SGCD: variants seen among roughly 807,000 people sequenced by gnomAD.
The protein encoded by SGCD is sarcoglycan delta.
Under a neutral mutation model 36.6 loss-of-function variants are expected in SGCD, and 18 were observed. The observed-to-expected ratio is 0.49, with a 90% confidence interval of 0.34 to 0.73. The LOEUF (loss-of-function observed/expected upper bound fraction) is 0.73. SGCD is among the 30% of genes least tolerant of loss of function. The pLI is 0.01. For synonymous variants in SGCD, 133 were observed against 130.6 expected (o/e 1.02, Z -0.12); for missense variants, 387 against 346.7 (o/e 1.12, Z -0.92).
chr5:156,332,375 TTGG>T (rs1223837052), intron 2 of SGCD, among the ~76,000 whole-genome samples: 3 of 152,250 alleles, frequency 2.0e-5, no homozygotes, highest in Non-Finnish European at 4.4e-5. Flanking sequence ...ATGTAATTTC[TTGG>T]GCACAGTGGC....
intron 3 of SGCD, among the ~76,000 whole-genome samples, chr5:156,260,127 G>A (rs1398602407): frequency 6.6e-6 from 1 of 152,062 alleles, no homozygotes; most frequent in Non-Finnish European, 1.5e-5. Context: ...TATTTTATAT[G>A]AATATCATGT....
the SGCD span, among the ~76,000 whole-genome samples, chr5:155,809,303 T>C: frequency 4.6e-5 from 7 of 152,242 alleles, no homozygotes; most frequent in African/African-American, 1.7e-4. Flanking sequence ...GAAGCATTTT[T>C]ATCCATCTCA....
intron 3 of SGCD, among the ~76,000 whole-genome samples, chr5:156,170,458 A>T (rs1415215513): frequency 6.6e-6 from 1 of 152,212 alleles, no homozygotes; most frequent in East Asian, 1.9e-4. Context: ...TTACCTTAAC[A>T]TGAATGTTAC....
chr5:156,344,611 C>T lies in SGCD; in HGVS notation c.126C>T (p.Leu42=), dbSNP rs1374327236. ...GCCTGTATTTCTTTGTCCTGCTCCTCATGATTTTAATACTGGTGAACTTGG... is the reference window on the plus strand; with the variant it reads ...GCCTGTATTTCTTTGTCCTGCTCCTTATGATTTTAATACTGGTGAACTTGG... ...KRCLYFFVLL[L]MILILVNLAM... The change falls in exon 3 of 9, where the codon CTC becomes CTT. Residue 42 remains leucine, a synonymous_variant. Transcript: ENST00000337851. 1 of 1,612,082 alleles carries T rather than the reference C, an allele frequency of 6.2e-7. No homozygotes were observed. Among genetic ancestry groups the T allele is most frequent in the Admixed American group, 1.7e-5 (1 of 59,836 alleles).
Position 156,127,530 on chromosome 5 carries a change from T to C in SGCD, c.-44+3511T>C, listed in dbSNP as rs529627883. ...TACTCAGGAGGCTAAGGTGAAGAGA[T>C]TGCTTGCGTCCAAGAATTTGAGGTT... On this transcript the variant is annotated intron_variant, in intron 3 of 9. Transcript: ENST00000517913. 2.6e-4 allele frequency among the ~76,000 whole-genome samples: 40 copies of C among 152,142 alleles called. No homozygotes were observed. The East Asian group carries it at 7.5e-3, about 29-fold the overall frequency.
At chr5:156,296,325 G>T (rs1258538549) in intron 3 of SGCD, among the ~76,000 whole-genome samples, 1 of 152,138 alleles carries the variant, frequency 6.6e-6, no homozygotes, top group Non-Finnish European at 1.5e-5. Flanking sequence ...TGTCAAAGGT[G>T]ACCAATTCTT....
At chr5:156,443,950 A>G (rs1753616112) in intron 3 of SGCD, among the ~76,000 whole-genome samples, 1 of 152,122 alleles carries the variant, frequency 6.6e-6, no homozygotes, top group Non-Finnish European at 1.5e-5. Context: ...TGCTACCTTT[A>G]TAAATCAGAA....
chr5:156,406,414 C>G (rs1373186715), intron 3 of SGCD, among the ~76,000 whole-genome samples: 1 of 152,060 alleles, frequency 6.6e-6, no homozygotes, highest in East Asian at 1.9e-4. Flanking sequence ...TACTTCTGCT[C>G]TCCTGTGCCC....
chr5:155,912,529 T>C (rs943705079), intron 1 of SGCD, among the ~76,000 whole-genome samples: 3 of 152,190 alleles, frequency 2.0e-5, no homozygotes, highest in African/African-American at 7.2e-5. Context: ...CACAGTCTGC[T>C]CCGTGTGCGG....
intron 3 of SGCD, among the ~76,000 whole-genome samples, chr5:156,173,891 A>G (rs72809695): frequency 0.25 from 37,794 of 151,932 alleles, 5,097 homozygotes; most frequent in East Asian, 0.57. Flanking sequence ...TAAGTTTTTT[A>G]TATTGCACCT....
intron 1 of SGCD, among the ~76,000 whole-genome samples, chr5:155,942,074 A>G (rs1034070681): frequency 6.6e-6 from 1 of 152,170 alleles, no homozygotes; most frequent in Admixed American, 6.5e-5. Context: ...CTATTGGAGC[A>G]GCCTTCCCAC....
At chr5:156,370,821 A>T (rs1247326537) in intron 3 of SGCD, among the ~76,000 whole-genome samples, 2 of 152,156 alleles carry the variant, frequency 1.3e-5, no homozygotes, top group Non-Finnish European at 2.9e-5. Context: ...CAAACAGAAC[A>T]TCGGTGAGTA....
chr5:156,499,316 C>G (rs1756348164), intron 3 of SGCD, among the ~76,000 whole-genome samples: 1 of 152,112 alleles, frequency 6.6e-6, no homozygotes, highest in African/African-American at 2.4e-5. Context: ...TCTGAACAAT[C>G]TCTAGCCGAT....
At chr5:155,927,838 G>T (rs191429044) in intron 1 of SGCD, among the ~76,000 whole-genome samples, 136 of 152,258 alleles carry the variant, frequency 8.9e-4, no homozygotes, top group Non-Finnish European at 1.4e-3. Flanking sequence ...GTTGTGAGTG[G>T]CATACCAACT....
chr5:155,998,121 G>C (rs1481680762), intron 1 of SGCD, among the ~76,000 whole-genome samples: 2 of 152,148 alleles, frequency 1.3e-5, no homozygotes, highest in African/African-American at 2.4e-5. Flanking sequence ...GCAGATGCTG[G>C]ATGCTTTTAA....
chr5:156,451,581 G>A (rs1007599912), intron 3 of SGCD, among the ~76,000 whole-genome samples: 1 of 152,184 alleles, frequency 6.6e-6, no homozygotes, highest in South Asian at 2.1e-4. Context: ...TATGGGCACA[G>A]AGAAATCTGC....
intron 3 of SGCD, among the ~76,000 whole-genome samples, chr5:156,195,462 A>G (rs1010958950): frequency 1.3e-5 from 2 of 152,190 alleles, no homozygotes; most frequent in Non-Finnish European, 2.9e-5. Flanking sequence ...ACTTTTTTGT[A>G]TAATGTTAGA....
At chr5:156,533,375 T>A (rs1474865366) in intron 4 of SGCD, among the ~76,000 whole-genome samples, 1 of 152,162 alleles carries the variant, frequency 6.6e-6, no homozygotes, top group Non-Finnish European at 1.5e-5. Flanking sequence ...CAAGGACCCA[T>A]GTGTGAATTT....
At chr5:156,686,685 T>A (rs554160056) in intron 7 of SGCD, among the ~76,000 whole-genome samples, 23 of 152,334 alleles carry the variant, frequency 1.5e-4, no homozygotes, top group African/African-American at 5.5e-4. Context: ...TTCCTTTAGA[T>A]CCATCAAATG....
Sources: gnomAD v4.1 joint callset for allele counts (sites outside exome capture counted in the v4.1 genomes callset) on GRCh38, gnomAD v4.1.1 for gene constraint, MANE v1.5 for transcripts, NCBI Gene and HGNC (gene_info 2026-07-23, HGNC 2026-07-21) for gene names.